RHOJ: variants seen among roughly 807,000 people sequenced by gnomAD.
RHOJ encodes the protein rho-related GTP-binding protein RhoJ.
In RHOJ, 11 loss-of-function variants were observed where a neutral mutation model predicts 23.4. That is an observed-to-expected ratio of 0.47 (90% CI 0.30 to 0.78). RHOJ has a LOEUF of 0.78. Ranked by LOEUF, RHOJ falls within the 30% of genes least tolerant of loss-of-function variation. The probability of loss-of-function intolerance (pLI) is 0.08; values close to 1 mark genes in which losing one functional copy is unlikely to be tolerated. For synonymous variants in RHOJ, 102 were observed against 102.7 expected, an observed-to-expected ratio of 0.99 and a Z score of 0.04; for missense variants, 254 against 273.4, an observed-to-expected ratio of 0.93 and a Z score of 0.50.
rs1411064901 is a variant in RHOJ, at chr14:63,204,846, T to G, written c.-24T>G. Reference sequence around the variant, plus strand: ...GCAGGAGAAGCAATAGCAGCAGGAGTCCCCAGCAGCTGGAGCCGCAAGAAT... The same window carrying G: ...GCAGGAGAAGCAATAGCAGCAGGAGGCCCCAGCAGCTGGAGCCGCAAGAAT... On this transcript the variant is annotated 5_prime_UTR_variant, in exon 1 of 5. Coordinates refer to ENST00000316754, the MANE Select transcript of RHOJ (RefSeq NM_020663.5). 7 of 1,595,860 alleles carry G rather than the reference T, an allele frequency of 4.4e-6. No individual in the cohort carries two copies. Among genetic ancestry groups the G allele is most frequent in the Non-Finnish European group, 6.0e-6 (7 of 1,170,394 alleles).
At chr14:63,225,233 A>C (rs1894570827) in intron 1 of RHOJ, among the ~76,000 whole-genome samples, 1 of 152,168 alleles carries the variant, frequency 6.6e-6, no homozygotes, top group African/African-American at 2.4e-5. Context: ...TTACAGGCGC[A>C]AGCCACCATG....
chr14:63,213,053 A>G (rs146303333), intron 1 of RHOJ, among the ~76,000 whole-genome samples: 8 of 152,318 alleles, frequency 5.3e-5, no homozygotes, highest in African/African-American at 1.7e-4. Context: ...GCACCATACT[A>G]CTATGTAAGC....
At chr14:63,243,702 G>C (rs1894925474) in intron 1 of RHOJ, among the ~76,000 whole-genome samples, 2 of 152,120 alleles carry the variant, frequency 1.3e-5, no homozygotes. Flanking sequence ...CATATTTTAA[G>C]TCTAAACGGC....
intron 2 of RHOJ, among the ~76,000 whole-genome samples, chr14:63,270,809 C>A (rs1401149072): frequency 1.3e-5 from 2 of 152,202 alleles, no homozygotes; most frequent in Non-Finnish European, 2.9e-5. Flanking sequence ...TCTCTGGTCC[C>A]TCTGGCTTCC....
chr14:63,215,843 C>T (rs1034356557), intron 1 of RHOJ, among the ~76,000 whole-genome samples: 1 of 152,112 alleles, frequency 6.6e-6, no homozygotes, highest in African/African-American at 2.4e-5. Context: ...GTCTTGTTTA[C>T]TTTTATGTCC....
intron 1 of RHOJ, among the ~76,000 whole-genome samples, chr14:63,226,585 C>T (rs761550): frequency 0.97 from 145,102 of 150,362 alleles, 70,218 homozygotes; most frequent in East Asian, 1. Flanking sequence ...ATAAATAAAA[C>T]TATATATACA....
intron 1 of RHOJ, among the ~76,000 whole-genome samples, chr14:63,248,109 G>A (rs112963076): frequency 2.0e-4 from 30 of 152,226 alleles, no homozygotes; most frequent in Admixed American, 4.6e-4. Context: ...GTGGGGACAC[G>A]GCCAAACCAT....
intron 1 of RHOJ, among the ~76,000 whole-genome samples, chr14:63,243,864 G>A (rs1894929284): frequency 6.6e-6 from 1 of 152,056 alleles, no homozygotes; most frequent in African/African-American, 2.4e-5. Context: ...GCTATGAGAG[G>A]TCATACACTC....
chr14:63,230,560 A>AAGGG (rs1180575953), intron 1 of RHOJ, among the ~76,000 whole-genome samples: 2 of 151,986 alleles, frequency 1.3e-5, no homozygotes, highest in Non-Finnish European at 2.9e-5. Context: ...CTTCTTCAGA[A>AAGGG]CCCTGCTCAA....
intron 1 of RHOJ, among the ~76,000 whole-genome samples, chr14:63,254,397 T>C (rs972679728): frequency 5.9e-5 from 9 of 152,260 alleles, no homozygotes; most frequent in South Asian, 2.1e-4. Context: ...AGCAGAGCTT[T>C]ATCCGTTTGA....
chr14:63,208,771 A>C (rs1894168852), intron 1 of RHOJ, among the ~76,000 whole-genome samples: 1 of 152,130 alleles, frequency 6.6e-6, no homozygotes, highest in Non-Finnish European at 1.5e-5. Flanking sequence ...TTGTAACTTT[A>C]AACATCATTC....
chr14:63,230,866 A>G (rs1211385913), intron 1 of RHOJ, among the ~76,000 whole-genome samples: 3 of 80,016 alleles, frequency 3.7e-5, no homozygotes, highest in African/African-American at 2.2e-4. Context: ...TTTTAGATGG[A>G]GTCTCACTCT....
At chr14:63,217,273 T>A (rs935603124) in intron 1 of RHOJ, among the ~76,000 whole-genome samples, 4 of 136,546 alleles carry the variant, frequency 2.9e-5, no homozygotes, top group African/African-American at 1.0e-4. Flanking sequence ...GAGTGTGATG[T>A]TCCCCTTCCT....
At chr14:63,280,235 G>A (rs941771810) in intron 2 of RHOJ, among the ~76,000 whole-genome samples, 16 of 152,130 alleles carry the variant, frequency 1.1e-4, no homozygotes, top group African/African-American at 3.6e-4. Context: ...ATATTGCCCA[G>A]GCTGATCTCA....
chr14:63,252,030 G>A (rs1895080621), intron 1 of RHOJ, among the ~76,000 whole-genome samples: 1 of 152,030 alleles, frequency 6.6e-6, no homozygotes, highest in Admixed American at 6.6e-5. Flanking sequence ...AGGTTGCAGT[G>A]AGCCGAGATC....
rs1406045676 is a variant in RHOJ at position 63,269,081 on chromosome 14, CT to C, written c.179-28del. ...TTGAAGCTTGTGTTTATGGACTCTC[CT>C]CTTCTTTTCTTTTCTCTTCTCCCCT... On this transcript the variant is annotated intron_variant, in intron 1 of 4. Coordinates refer to ENST00000316754, the MANE Select transcript of RHOJ (RefSeq NM_020663.5). The C allele has an allele frequency of 3.2e-6, 5 of 1,564,448 alleles. No homozygotes were observed. In the African/African-American group the frequency reaches 6.8e-5, roughly 21 times the overall value.
chr14:63,242,430 G>A (rs950069801), intron 1 of RHOJ, among the ~76,000 whole-genome samples: 4 of 152,232 alleles, frequency 2.6e-5, no homozygotes, highest in Middle Eastern at 3.4e-3. Flanking sequence ...TTAGCCAGAC[G>A]TGGTGGTACA....
At chr14:63,286,343 A>G (rs1445119337) in intron 4 of RHOJ, among the ~76,000 whole-genome samples, 1 of 152,220 alleles carries the variant, frequency 6.6e-6, no homozygotes, top group Admixed American at 6.5e-5. Flanking sequence ...CAGAAGAGAG[A>G]GAGACTAATA....
At chr14:63,227,592 A>G (rs2139743802) in intron 1 of RHOJ, among the ~76,000 whole-genome samples, 1 of 152,374 alleles carries the variant, frequency 6.6e-6, no homozygotes. Context: ...TGAGTCATTA[A>G]AACAGATTAT....
Sources: allele counts gnomAD v4.1 joint callset (sites outside exome capture counted in the v4.1 genomes callset), GRCh38; gene constraint gnomAD v4.1.1; transcripts MANE v1.5; gene names NCBI Gene and HGNC (gene_info 2026-07-23, HGNC 2026-07-21).